The following SWT1 variants were observed in gnomAD, a reference collection of about 807,000 sequenced individuals.
SWT1 encodes SWT1 RNA endoribonuclease homolog, also known as transcriptional protein SWT1.
SWT1 carries 33 observed loss-of-function variants against 107.3 expected under a neutral mutation model. That is an observed-to-expected ratio of 0.31 (90% CI 0.23 to 0.41). The LOEUF is 0.41. Among genes scored for constraint, SWT1 ranks in the 10% least tolerant of loss-of-function variants. The pLI, the probability that SWT1 is intolerant of heterozygous loss-of-function variation, is 1.00. For synonymous variants in SWT1, 345 were observed against 348.3 expected (o/e 0.99, Z 0.11); for missense variants, 898 against 1,028.9 (o/e 0.87, Z 1.74).
At position 185,291,696 on chromosome 1, in the gene SWT1, CTTT is replaced by C. The variant is rs1441429223; in HGVS notation, c.*896_*898del. ...ATAACTTATTTTTGGTAAGATTTGG[CTTT>C]TTACTTCCAAATTGTTTCTGATATG... is the stretch of plus-strand genomic sequence containing the variant. On this transcript the variant is annotated 3_prime_UTR_variant, in exon 19 of 19. Coordinates refer to ENST00000367500, the MANE Select transcript of SWT1 (RefSeq NM_017673.7). The C allele has an allele frequency of 6.6e-6, 1 of 152,480 alleles. No individual in the cohort carries two copies. Among genetic ancestry groups the C allele is most frequent in the Non-Finnish European group, 1.5e-5 (1 of 68,008 alleles). The allele number at this position is 152,480 out of a possible 1,614,324, so 9.4% of individuals were successfully genotyped here.
intron 7 of SWT1, among the ~76,000 whole-genome samples, chr1:185,182,668 C>CAAAAAAAA (rs59326029): frequency 4.5e-4 from 30 of 66,980 alleles, no homozygotes; most frequent in East Asian, 9.7e-4. Context: ...CTCTCTCTCT[C>CAAAAAAAA]AAAAAAAAAA....
chr1:185,196,997 G>A (rs558639459), intron 10 of SWT1, among the ~76,000 whole-genome samples: 1 of 152,284 alleles, frequency 6.6e-6, no homozygotes, highest in Non-Finnish European at 1.5e-5. Flanking sequence ...ATGTTGAATA[G>A]GAGTGGAGAG....
At chr1:185,161,178 A>C (rs1654114094) in intron 2 of SWT1, among the ~76,000 whole-genome samples, 1 of 152,202 alleles carries the variant, frequency 6.6e-6, no homozygotes, top group African/African-American at 2.4e-5. Context: ...TTATAGAGGT[A>C]AGTAATTTGC....
chr1:185,215,257 A>T (rs750669378), intron 14 of SWT1, among the ~76,000 whole-genome samples: 1 of 151,894 alleles, frequency 6.6e-6, no homozygotes, highest in Non-Finnish European at 1.5e-5. Context: ...CTACCTATCT[A>T]TATTTTTTTC....
chr1:185,198,290 G>C (rs1463153183), intron 10 of SWT1, among the ~76,000 whole-genome samples: 1 of 152,216 alleles, frequency 6.6e-6, no homozygotes, highest in African/African-American at 2.4e-5. Context: ...TGATTACACT[G>C]TGGTCTGAGA....
chr1:185,277,676 G>A (rs1385048398), intron 18 of SWT1, among the ~76,000 whole-genome samples: 1 of 152,120 alleles, frequency 6.6e-6, no homozygotes, highest in African/African-American at 2.4e-5. Flanking sequence ...GTGGTCCCCA[G>A]ACCATGTTTT....
At chr1:185,167,021 C>T (rs1048247061) in intron 3 of SWT1, among the ~76,000 whole-genome samples, 2 of 152,156 alleles carry the variant, frequency 1.3e-5, no homozygotes, top group South Asian at 2.1e-4. Flanking sequence ...GATTCTCCTG[C>T]CTCAGGCTCC....
At chr1:185,168,302 A>C in intron 3 of SWT1, 38 bp from the exon 4 acceptor site, 2 of 980,672 alleles carry the variant, frequency 2.0e-6, no homozygotes, top group East Asian at 3.8e-5. Context: ...AATATGTACC[A>C]GTGCACAATT....
chr1:185,236,401 C>T (rs534409932), intron 16 of SWT1, among the ~76,000 whole-genome samples: 36 of 152,162 alleles, frequency 2.4e-4, no homozygotes, highest in Non-Finnish European at 4.0e-4. Flanking sequence ...ACAGAGGCCT[C>T]AGAAGTAATG....
At chr1:185,275,180 C>T (rs1664153499) in intron 17 of SWT1, among the ~76,000 whole-genome samples, 2 of 151,918 alleles carry the variant, frequency 1.3e-5, no homozygotes, top group Admixed American at 1.3e-4. Context: ...GAAAATGGAT[C>T]ATTCGCTTCA....
chr1:185,176,727 G>A (rs1655592220), intron 5 of SWT1: 14 of 975,576 alleles, frequency 1.4e-5, no homozygotes, highest in Non-Finnish European at 1.6e-5. Context: ...CCTCACACCT[G>A]TAATCCCAGC....
intron 4 of SWT1, among the ~76,000 whole-genome samples, chr1:185,172,381 C>CT (rs1655149605): frequency 6.6e-6 from 1 of 152,120 alleles, no homozygotes; most frequent in African/African-American, 2.4e-5. Context: ...TTTTATGTCA[C>CT]TGAAGACTTT....
At chr1:185,165,426 C>G (rs1249717766) in intron 2 of SWT1, among the ~76,000 whole-genome samples, 1 of 152,146 alleles carries the variant, frequency 6.6e-6, no homozygotes, top group Non-Finnish European at 1.5e-5. Context: ...AAGCAAGCCA[C>G]AATAAAATGA....
chr1:185,186,941 G>A (rs1424519767), intron 9 of SWT1, among the ~76,000 whole-genome samples: 1 of 151,100 alleles, frequency 6.6e-6, no homozygotes, highest in African/African-American at 2.4e-5. Flanking sequence ...TTTTAGTAGA[G>A]ATAGGGTTTC....
At position 185,173,983 on chromosome 1, in the gene SWT1, T is replaced by C. The variant is rs1159632736; in HGVS notation, c.225-389T>C. 5.3e-5 allele frequency among the ~76,000 whole-genome samples: 8 copies of C among 152,276 alleles called. No homozygotes were observed. In the South Asian group the frequency reaches 1.5e-3, roughly 28 times the overall value. On this transcript the variant is annotated intron_variant, in intron 4 of 18. Transcript: ENST00000367500. Reference sequence around the variant, plus strand: ...CTGCAGTGAGCCATGTTTGCATCACTGCACTCTAGCCTAGGCAACAGAGTG... The same window carrying C: ...CTGCAGTGAGCCATGTTTGCATCACCGCACTCTAGCCTAGGCAACAGAGTG...
At chr1:185,251,780 CAATT>C (rs1662041926) in intron 16 of SWT1, among the ~76,000 whole-genome samples, 1 of 150,694 alleles carries the variant, frequency 6.6e-6, no homozygotes, top group Non-Finnish European at 1.5e-5. Context: ...ATAAGTAAAA[CAATT>C]TATATATATA....
chr1:185,228,426 G>A (rs1660257865), intron 15 of SWT1, among the ~76,000 whole-genome samples: 1 of 151,798 alleles, frequency 6.6e-6, no homozygotes, highest in African/African-American at 2.4e-5. Flanking sequence ...GGAGGCTGAG[G>A]TGAGAGAATT....
chr1:185,183,998 G>A (rs1184479340), intron 7 of SWT1, among the ~76,000 whole-genome samples: 1 of 152,120 alleles, frequency 6.6e-6, no homozygotes, highest in Non-Finnish European at 1.5e-5. Flanking sequence ...ACTCCAAACA[G>A]GGGTTGCAAT....
At chr1:185,161,072 T>G in intron 2 of SWT1, 147 bp downstream of exon 2, 4 of 621,972 alleles carry the variant, frequency 6.4e-6, no homozygotes, top group East Asian at 2.8e-5. Flanking sequence ...TTCCGGTTTT[T>G]TACTTGCATT....
Sources: gnomAD v4.1 joint callset for allele counts (sites outside exome capture counted in the v4.1 genomes callset) on GRCh38, gnomAD v4.1.1 for gene constraint, MANE v1.5 for transcripts, NCBI Gene and HGNC (gene_info 2026-07-23, HGNC 2026-07-21) for gene names.